Variants in RASSF8 observed in about 807,000 individuals in gnomAD.
The protein encoded by RASSF8 is Ras association domain family member 8.
RASSF8 carries 22 observed loss-of-function variants against 48.5 expected under a neutral mutation model. That is an observed-to-expected ratio of 0.45 (90% confidence interval 0.32 to 0.65). RASSF8 has a LOEUF of 0.65. RASSF8 is among the 30% of genes least tolerant of loss of function. The pLI is 0.03. For missense variants in RASSF8, 418 were observed against 489.2 expected, an observed-to-expected ratio of 0.85 and a Z score of 1.37; for synonymous variants, 127 against 171.5, an observed-to-expected ratio of 0.74 and a Z score of 2.03.
intron 2 of RASSF8, among the ~76,000 whole-genome samples, chr12:26,015,149 G>T (rs1303565978): frequency 6.6e-6 from 1 of 151,656 alleles, no homozygotes; most frequent in Non-Finnish European, 1.5e-5. Flanking sequence ...CGAGGCTTCA[G>T]TGAGCTGAGA....
intron 2 of RASSF8, among the ~76,000 whole-genome samples, chr12:26,045,487 T>C (rs1450077860): frequency 6.6e-6 from 1 of 152,200 alleles, no homozygotes; most frequent in Non-Finnish European, 1.5e-5. Flanking sequence ...TTTTATTTTG[T>C]CTTTGAAGTA....
At chr12:25,960,195 GATTAACCACTC>G (rs1258394888) in intron 1 of RASSF8, among the ~76,000 whole-genome samples, 13 of 152,266 alleles carry the variant, frequency 8.5e-5, no homozygotes, top group African/African-American at 2.9e-4. Context: ...CTCTCCATTA[GATTAACCACTC>G]ATTCTGGTAG....
At chr12:25,986,769 T>A (rs962026476) in intron 1 of RASSF8, among the ~76,000 whole-genome samples, 14 of 152,194 alleles carry the variant, frequency 9.2e-5, no homozygotes, top group African/African-American at 3.4e-4. Context: ...CCTAGTTACT[T>A]ACTGCTGCCT....
rs1252040038 is a variant in RASSF8, at chr12:26,072,349, G to T, written c.*3531G>T. The T allele has an allele frequency of 3.2e-5, 32 of 985,268 alleles. No individual in the cohort carries two copies. Among genetic ancestry groups the T allele is most frequent in the Non-Finnish European group, 3.7e-5 (31 of 829,910 alleles). 61.0% of individuals were successfully genotyped at this position (985,268 alleles called of 1,614,324 possible). A position where few individuals can be genotyped will look rare whatever the true frequency, so the allele number is the denominator to read the frequency against. On this transcript the variant is annotated 3_prime_UTR_variant, in exon 6 of 6. Transcript: ENST00000689635. ...AAACAATCACTATTTATTCAGTATT[G>T]CTGCTTTACATCTCCAGAATAAGCT...
chr12:25,981,314 T>C (rs1187614844), intron 1 of RASSF8, among the ~76,000 whole-genome samples: 1 of 151,832 alleles, frequency 6.6e-6, no homozygotes, highest in Non-Finnish European at 1.5e-5. Flanking sequence ...AAGCATGCAG[T>C]TTATATAGCA....
intron 1 of RASSF8, among the ~76,000 whole-genome samples, chr12:25,985,751 A>G (rs900524099): frequency 6.6e-6 from 1 of 152,046 alleles, no homozygotes; most frequent in Non-Finnish European, 1.5e-5. Context: ...AGGGGAGGAG[A>G]GCATGCTTTC....
downstream of RASSF8, among the ~76,000 whole-genome samples, chr12:26,076,887 T>C (rs1944077433): frequency 6.6e-6 from 1 of 152,250 alleles, no homozygotes; most frequent in African/African-American, 2.4e-5. Flanking sequence ...ACCAACAGTG[T>C]AAAAGTGTTC....
downstream of RASSF8, among the ~76,000 whole-genome samples, chr12:26,073,476 C>G (rs1944036429): frequency 6.6e-6 from 1 of 152,112 alleles, no homozygotes; most frequent in African/African-American, 2.4e-5. Flanking sequence ...GTGGCTCACG[C>G]CTATAATCCC....
rs990337366 is a variant in RASSF8, at chr12:26,069,126, G to T, written c.*308G>T. On this transcript the variant is annotated 3_prime_UTR_variant, in exon 6 of 6. Transcript: ENST00000689635. ...TATAGTGTGTATACATAAATAAGCC[G>T]TGACTTAAGTAAGAGTGAAGAGAAA... The T allele has an allele frequency of 1.0e-6, 1 of 997,634 alleles. No homozygotes were observed. The highest frequency in any genetic ancestry group is 4.6e-5 in the South Asian group (1 of 21,678). The allele number at this position is 997,634 out of a possible 1,614,324, so 61.8% of individuals were successfully genotyped here. A position where few individuals can be genotyped will look rare whatever the true frequency, so the allele number is the denominator to read the frequency against.
At chr12:26,039,359 A>G (rs1405683033) in intron 2 of RASSF8, among the ~76,000 whole-genome samples, 1 of 150,870 alleles carries the variant, frequency 6.6e-6, no homozygotes, top group Non-Finnish European at 1.5e-5. Context: ...TCAGTGGTAG[A>G]CTCCTATTGA....
intron 1 of RASSF8, among the ~76,000 whole-genome samples, chr12:25,967,204 C>T (rs1018948315): frequency 6.6e-6 from 1 of 152,184 alleles, no homozygotes; most frequent in African/African-American, 2.4e-5. Flanking sequence ...GTTTTTGTCA[C>T]GTTTAATCAC....
chr12:25,976,596 T>G (rs1565600924), intron 1 of RASSF8, among the ~76,000 whole-genome samples: 2 of 152,232 alleles, frequency 1.3e-5, no homozygotes, highest in Non-Finnish European at 2.9e-5. Context: ...AGTGGGTATT[T>G]GGACCCAAGA....
chr12:25,961,175 T>A (rs1042069156), intron 1 of RASSF8, among the ~76,000 whole-genome samples: 3 of 152,234 alleles, frequency 2.0e-5, no homozygotes, highest in African/African-American at 7.2e-5. Flanking sequence ...AATTGATCTG[T>A]TTTATGTTGA....
At chr12:25,984,384 C>T (rs1941822284) in intron 1 of RASSF8, among the ~76,000 whole-genome samples, 1 of 151,944 alleles carries the variant, frequency 6.6e-6, no homozygotes, top group Non-Finnish European at 1.5e-5. Context: ...GCTCTGTCAC[C>T]CAGGCTGCAG....
chr12:26,003,378 G>A (rs76022024), intron 2 of RASSF8, among the ~76,000 whole-genome samples: 5,877 of 152,140 alleles, frequency 0.039, 145 homozygotes, highest in African/African-American at 0.065. Flanking sequence ...GAAGATTTTT[G>A]CATCTGTGTT....
rs1487719968 is a variant in RASSF8, at chr12:26,015,859, A to G, written c.-109+20729A>G. Among the ~76,000 whole-genome samples, 8 of 152,288 alleles carry G rather than the reference A, an allele frequency of 5.3e-5. No homozygotes were observed. The South Asian group carries it at 6.2e-4, about 12-fold the overall frequency. ...TTTCTCTTTTTTCTTTATTGATAAG[A>G]ATAAAGCTGTGCATACTTTAAGAAC... is the stretch of plus-strand genomic sequence containing the variant. On this transcript the variant is annotated intron_variant, in intron 2 of 5. Transcript: ENST00000689635.
intron 1 of RASSF8, among the ~76,000 whole-genome samples, chr12:25,981,943 A>C (rs564577440): frequency 6.6e-6 from 1 of 152,350 alleles, no homozygotes; most frequent in African/African-American, 2.4e-5. Flanking sequence ...TATTTCAAGG[A>C]TATGTTTCTT....
intron 1 of RASSF8, among the ~76,000 whole-genome samples, chr12:25,974,275 G>A (rs1941552249): frequency 6.6e-6 from 1 of 152,024 alleles, no homozygotes; most frequent in African/African-American, 2.4e-5. Context: ...GAGGGAGGGA[G>A]GTGGAAAGCC....
intron 2 of RASSF8, among the ~76,000 whole-genome samples, chr12:26,037,302 T>C (rs1943174258): frequency 6.6e-6 from 1 of 152,202 alleles, no homozygotes; most frequent in African/African-American, 2.4e-5. Flanking sequence ...GATAAGATAC[T>C]CTTTTGTCAC....
Sources: gnomAD v4.1 joint callset for allele counts (sites outside exome capture counted in the v4.1 genomes callset) on GRCh38, gnomAD v4.1.1 for gene constraint, MANE v1.5 for transcripts, NCBI Gene and HGNC (gene_info 2026-07-23, HGNC 2026-07-21) for gene names.